Variants in UBASH3B observed in about 807,000 individuals in gnomAD.
UBASH3B encodes ubiquitin associated and SH3 domain containing B, also known as ubiquitin-associated and SH3 domain-containing protein B.
A neutral mutation model predicts 83.4 loss-of-function variants in UBASH3B; 37 were observed. That is an observed-to-expected ratio of 0.44 (90% CI 0.34 to 0.58). The LOEUF (loss-of-function observed/expected upper bound fraction) is 0.58. UBASH3B is among the 20% of genes least tolerant of loss of function. The pLI, the probability that UBASH3B is intolerant of heterozygous loss-of-function variation, is 0.01. For synonymous variants in UBASH3B, 304 were observed against 318.3 expected, an observed-to-expected ratio of 0.96 and a Z score of 0.48; for missense variants, 657 against 827.2, an observed-to-expected ratio of 0.79 and a Z score of 2.52.
At chr11:122,714,989 G>A (rs921974051) in intron 1 of UBASH3B, among the ~76,000 whole-genome samples, 28 of 151,960 alleles carry the variant, frequency 1.8e-4, no homozygotes, top group African/African-American at 6.0e-4. Context: ...TCTGTCGCCC[G>A]GGCTGGAGTG....
chr11:122,682,003 C>T (rs373072974), intron 1 of UBASH3B, among the ~76,000 whole-genome samples: 2 of 152,230 alleles, frequency 1.3e-5, no homozygotes. Context: ...GCTGTCAGAA[C>T]AAGATGGGCC....
chr11:122,794,032 A>C (rs1304940760), intron 6 of UBASH3B, among the ~76,000 whole-genome samples: 1 of 152,172 alleles, frequency 6.6e-6, no homozygotes, highest in East Asian at 1.9e-4. Context: ...ATTTCTTTTG[A>C]ACCAGAAAAA....
intron 1 of UBASH3B, among the ~76,000 whole-genome samples, chr11:122,764,423 T>C (rs1489036051): frequency 6.6e-6 from 1 of 152,230 alleles, no homozygotes; most frequent in African/African-American, 2.4e-5. Flanking sequence ...AATGACTTCC[T>C]TTGGGAAAAA....
chr11:122,697,962 G>A (rs568447487), intron 1 of UBASH3B, among the ~76,000 whole-genome samples: 11 of 152,284 alleles, frequency 7.2e-5, no homozygotes, highest in South Asian at 2.1e-4. Flanking sequence ...GAGCACTGGG[G>A]CGTGGCGATG....
rs915757579 is a variant in UBASH3B at position 122,758,047 on chromosome 11, G to A, written c.162-18172G>A. 6.6e-6 allele frequency among the ~76,000 whole-genome samples: 1 copy of A among 152,108 alleles called. No individual in the cohort carries two copies. The highest frequency in any genetic ancestry group is 1.9e-4 in the East Asian group (1 of 5,180). ...AACACTCAACCACTCCTTTTGAGTC[G>A]AAGCTTCCTGGGGGCCCTTCGTCTG... On this transcript the variant is annotated intron_variant, in intron 1 of 13. Transcript: ENST00000284273. This position sits in a 1 kb window ranked among gnomAD's most constrained non-coding sequence, Gnocchi z 4.2.
At chr11:122,767,049 G>T (rs1860553774) in intron 1 of UBASH3B, among the ~76,000 whole-genome samples, 1 of 152,268 alleles carries the variant, frequency 6.6e-6, no homozygotes, top group African/African-American at 2.4e-5. Context: ...GGAAGCCGAG[G>T]TGGGCGGATC....
At position 122,806,123 on chromosome 11, in the gene UBASH3B, A is replaced by G. The variant is rs188778122; in HGVS notation, c.1596-287A>G. Among the ~76,000 whole-genome samples, 1 of 152,300 alleles carries G rather than the reference A, an allele frequency of 6.6e-6. No homozygotes were observed. Among genetic ancestry groups the G allele is most frequent in the East Asian group, 1.9e-4 (1 of 5,190 alleles). On this transcript the variant is annotated intron_variant, in intron 11 of 13. Transcript: ENST00000284273. The surrounding 1 kb of genome is among the most constrained non-coding windows in gnomAD (Gnocchi z 4.0). ...ATTAGCTATGTGACTAGGACCATCC[A>G]TCAATGGCTTATTTGTTATCCCGAG...
intron 1 of UBASH3B, among the ~76,000 whole-genome samples, chr11:122,743,276 C>G (rs1861056219): frequency 6.6e-6 from 1 of 152,118 alleles, no homozygotes; most frequent in Admixed American, 6.5e-5. Context: ...AGTGCAGTGG[C>G]ATGATCACAG....
Position 122,796,143 on chromosome 11 carries a change from T to G in UBASH3B, c.1114-13T>G. 17 of 1,613,912 alleles carry G rather than the reference T, an allele frequency of 1.1e-5. No homozygotes were observed. Among genetic ancestry groups the G allele is most frequent in the Non-Finnish European group, 1.3e-5 (15 of 1,179,876 alleles). On this transcript the variant is annotated splice_polypyrimidine_tract_variant and intron_variant, in intron 7 of 13. Coordinates refer to ENST00000284273, the MANE Select transcript of UBASH3B (RefSeq NM_032873.5). ...CATGTGTGTCTTCACTAATAGCCTT[T>G]CTTTCTCTGCAGCCGCTGAGGGTCA...
chr11:122,723,066 G>C (rs1860669449), intron 1 of UBASH3B, among the ~76,000 whole-genome samples: 1 of 152,178 alleles, frequency 6.6e-6, no homozygotes, highest in Non-Finnish European at 1.5e-5. Flanking sequence ...CAGAGCTTTA[G>C]AGTTGTGGTT....
At chr11:122,763,658 C>T (rs1860483962) in intron 1 of UBASH3B, among the ~76,000 whole-genome samples, 1 of 152,154 alleles carries the variant, frequency 6.6e-6, no homozygotes, top group Non-Finnish European at 1.5e-5. Flanking sequence ...GTGGGATGTG[C>T]AGCTCTCACA....
chr11:122,746,796 A>G (rs1861125203), intron 1 of UBASH3B, among the ~76,000 whole-genome samples: 1 of 152,248 alleles, frequency 6.6e-6, no homozygotes, highest in Non-Finnish European at 1.5e-5. Context: ...CAAGTTAAAC[A>G]GATATGGAGT....
Position 122,806,305 on chromosome 11 carries a change from C to G in UBASH3B, c.1596-105C>G. 1.1e-6 allele frequency: 1 copy of G among 950,742 alleles called. No homozygotes were observed. Among genetic ancestry groups the G allele is most frequent in the Non-Finnish European group, 1.6e-6 (1 of 627,274 alleles). 58.9% of individuals were successfully genotyped at this position (950,742 alleles called of 1,614,324 possible). A position where few individuals can be genotyped will look rare whatever the true frequency, so the allele number is the denominator to read the frequency against. Reference sequence around the variant, plus strand: ...TAGGGAAATGGATAAACAAACAGATCTACGGGATCTTTAGAAATGCCTTGA... The same window carrying G: ...TAGGGAAATGGATAAACAAACAGATGTACGGGATCTTTAGAAATGCCTTGA... On this transcript the variant is annotated intron_variant, in intron 11 of 13. Transcript: ENST00000284273. The surrounding 1 kb of genome is among the most constrained non-coding windows in gnomAD (Gnocchi z 4.0).
intron 1 of UBASH3B, among the ~76,000 whole-genome samples, chr11:122,752,591 G>A (rs1861216656): frequency 6.6e-6 from 1 of 152,190 alleles, no homozygotes; most frequent in Admixed American, 6.5e-5. Flanking sequence ...AAGGAGTTTG[G>A]TCTTGATCTT....
intron 1 of UBASH3B, among the ~76,000 whole-genome samples, chr11:122,765,104 C>G (rs1256079498): frequency 6.9e-6 from 1 of 145,234 alleles, no homozygotes; most frequent in African/African-American, 2.5e-5. Context: ...TTTTTCATGT[C>G]TAGACTTGCA....
intron 1 of UBASH3B, among the ~76,000 whole-genome samples, chr11:122,679,449 C>A (rs1209944545): frequency 6.6e-6 from 1 of 152,168 alleles, no homozygotes; most frequent in Non-Finnish European, 1.5e-5. Context: ...GTCCTCAGAC[C>A]AGCCCTTTTG....
chr11:122,664,969 C>A (rs574584790), intron 1 of UBASH3B, among the ~76,000 whole-genome samples: 1 of 152,154 alleles, frequency 6.6e-6, no homozygotes, highest in East Asian at 1.9e-4. Context: ...AGTGCGGTGG[C>A]GCAATCTCAG....
At chr11:122,808,520 C>A (rs1861380922) in intron 13 of UBASH3B, among the ~76,000 whole-genome samples, 2 of 152,192 alleles carry the variant, frequency 1.3e-5, no homozygotes, top group African/African-American at 4.8e-5. Context: ...GTCCAAAAGA[C>A]AGCATCTGAA....
At chr11:122,720,826 C>G (rs571823214) in intron 1 of UBASH3B, among the ~76,000 whole-genome samples, 2 of 152,066 alleles carry the variant, frequency 1.3e-5, no homozygotes, top group Non-Finnish European at 2.9e-5. Flanking sequence ...TTTTCCAAAA[C>G]GCTTACTATA....
Sources: gnomAD v4.1 joint callset for allele counts (sites outside exome capture counted in the v4.1 genomes callset) on GRCh38, gnomAD v4.1.1 for gene constraint, Gnocchi (gnomAD v3.1) non-coding constraint, MANE v1.5 for transcripts, NCBI Gene and HGNC (gene_info 2026-07-23, HGNC 2026-07-21) for gene names.